GREB1: variants seen among roughly 807,000 people sequenced by gnomAD.
GREB1 encodes growth regulating estrogen receptor binding 1, also known as protein GREB1.
A neutral mutation model predicts 200.7 loss-of-function variants in GREB1; 106 were observed. The ratio of observed to expected loss-of-function variants is 0.53; its 90% CI spans 0.45 to 0.62. The LOEUF is 0.62. Ranked by LOEUF, GREB1 falls within the 20% of genes least tolerant of loss-of-function variation. The pLI is 0.00. For synonymous variants in GREB1, 1,132 were observed against 1,092.4 expected (o/e 1.04, Z -0.72); for missense variants, 2,243 against 2,556.8 (o/e 0.88, Z 2.65).
chr2:11,616,461 C>G (rs1415072374), intron 20 of GREB1, among the ~76,000 whole-genome samples, 170 bp from the exon 21 acceptor site: 3 of 152,238 alleles, frequency 2.0e-5, no homozygotes, highest in Admixed American at 6.5e-5. Flanking sequence ...CCCACTCCCT[C>G]CTGTCTCCTC....
Position 11,620,993 on chromosome 2 carries a change from A to G in GREB1, c.4133A>G (p.Glu1378Gly), listed in dbSNP as rs765167823. 6.2e-7 allele frequency: 1 copy of G among 1,601,402 alleles called. No homozygotes were observed. The highest frequency in any genetic ancestry group is 1.1e-5 in the South Asian group (1 of 90,838). The change falls in exon 23 of 33, where the codon GAG (glutamate) becomes GGG (glycine). Residue 1378 changes from glutamate to glycine, a missense_variant. Transcript: ENST00000381486. ...ACAGAAGTGGATGTCTATGACGAGG[A>G]GGAGATCAATATCAGTGAGTTATCT... ...RLTEVDVYDE[E>G]EININLREES...
At chr2:11,579,612 T>A (rs886084829) in intron 6 of GREB1, among the ~76,000 whole-genome samples, 1 of 152,132 alleles carries the variant, frequency 6.6e-6, no homozygotes, top group Non-Finnish European at 1.5e-5. Flanking sequence ...GTTAAGTAAG[T>A]GTCCAGGGTT....
chr2:11,587,693 TAACACACACACA>T (rs1217478349), intron 9 of GREB1: 22,441 of 976,876 alleles, frequency 0.023, 245 homozygotes, highest in Middle Eastern at 0.047. Context: ...GAGTACAAGA[TAACACACACACA>T]CACACACACA....
intron 10 of GREB1, among the ~76,000 whole-genome samples, chr2:11,590,661 A>G (rs1261979037): frequency 6.6e-6 from 1 of 152,108 alleles, no homozygotes; most frequent in Admixed American, 6.5e-5. Context: ...ACCAGGAATT[A>G]GGGTCTGTGA....
rs1327645435 is a variant in GREB1 at position 11,588,942 on chromosome 2, T to A, written c.1345+11T>A. On this transcript the variant is annotated intron_variant, in intron 10 of 32. Transcript: ENST00000381486. ...ACCTGGTCCAGCTGGGTGAGTCACC[T>A]CCACCTCCTGGCCCAGTGGCAGGGA... 1.2e-6 allele frequency: 2 copies of A among 1,610,966 alleles called. No individual in the cohort carries two copies. The highest frequency in any genetic ancestry group is 1.7e-6 in the Non-Finnish European group (2 of 1,177,472).
chr2:11,526,804 C>T (rs765442217), intron 1 of GREB1, among the ~76,000 whole-genome samples: 11 of 152,136 alleles, frequency 7.2e-5, no homozygotes, highest in Non-Finnish European at 1.5e-4. Context: ...GTGATCCACC[C>T]ACCTCAGCCT....
Position 11,600,861 on chromosome 2 carries a change from C to G in GREB1, c.2395C>G (p.Leu799Val). 6.2e-7 allele frequency: 1 copy of G among 1,614,146 alleles called. No homozygotes were observed. Among genetic ancestry groups the G allele is most frequent in the Non-Finnish European group, 8.5e-7 (1 of 1,179,996 alleles). The part of the protein sequence containing the change: ...DPSVGLVDRL[L>V]NCREVKEAPN... ...GTCGGTGGGATTGGTGGACCGATTG[C>G]TCAACTGCAGGGAGGTGAAGGAGGC... Residue 799 changes from leucine (L) to valine (V), a missense_variant, in exon 16 of 33, where the codon CTC becomes GTC. Coordinates refer to ENST00000381486, the MANE Select transcript of GREB1 (RefSeq NM_014668.4).
rs1284700131 is a variant in GREB1 at position 11,618,467 on chromosome 2, C to T, written c.3592C>T (p.Pro1198Ser). Residue 1198 changes from proline to serine, a missense_variant, in exon 22 of 33, where the codon CCC becomes TCC. Transcript: ENST00000381486. The part of the protein sequence containing the change: ...AISRHSPGPT[P>S]QPDCSLRTGQ... ...CAGCAGGCACAGTCCCGGGCCGACG[C>T]CCCAGCCCGACTGTAGCCTCAGGAC... 1 of 1,606,644 alleles carries T rather than the reference C, an allele frequency of 6.2e-7. No individual in the cohort carries two copies. Among genetic ancestry groups the T allele is most frequent in the Non-Finnish European group, 8.5e-7 (1 of 1,177,336 alleles).
At chr2:11,496,302 C>T (rs11674659) in intron 1 of GREB1, among the ~76,000 whole-genome samples, 151,583 of 152,298 alleles carry the variant, frequency 1, 75,444 homozygotes, top group Middle Eastern at 1. Context: ...TCGATCACCA[C>T]GGATGGGAAC....
Position 11,633,562 on chromosome 2 carries a change from TAAA to T in GREB1, c.4991+511_4991+513del, listed in dbSNP as rs567327000. On this transcript the variant is annotated intron_variant, in intron 28 of 32. Coordinates refer to ENST00000381486, the MANE Select transcript of GREB1 (RefSeq NM_014668.4). This position sits in a 1 kb window ranked among gnomAD's most constrained non-coding sequence, Gnocchi z 4.1. ...CTGGCAGACAGAGCGAGACTCCGTC[TAAA>T]AAAAAAAAAAAGAAAGAAAAAAATT... Among the ~76,000 whole-genome samples the T allele has an allele frequency of 1.5e-5, 2 of 131,666 alleles. No individual in the cohort carries two copies. Among genetic ancestry groups the T allele is most frequent in the African/African-American group, 2.9e-5 (1 of 34,546 alleles). 86.4% of individuals were successfully genotyped at this position (131,666 alleles called of 152,430 possible).
In GREB1 at chr2:11,523,220, G is replaced by A. The variant is rs756866821; in HGVS notation, c.-158-33237G>A. Among the ~76,000 whole-genome samples the A allele has an allele frequency of 3.8e-4, 58 of 152,012 alleles. 1 individual carries two copies. Among genetic ancestry groups the A allele is most frequent in the Non-Finnish European group, 1.8e-4 (12 of 68,002 alleles). On this transcript the variant is annotated intron_variant, in intron 1 of 2. Coordinates refer to the GREB1 transcript ENST00000628795. ...ACAGGGAGGAACAACAGATACTGGG[G>A]CCTACTTGAGAATGGAGAGTGGGAG... is the stretch of plus-strand genomic sequence containing the variant.
At chr2:11,614,048 A>G (rs1486370934) in intron 19 of GREB1, among the ~76,000 whole-genome samples, 2 of 151,612 alleles carry the variant, frequency 1.3e-5, no homozygotes, top group Non-Finnish European at 2.9e-5. Context: ...AGCATCTAGT[A>G]CCCTGGCCTG....
chr2:11,533,981 C>T (rs1674172156), upstream of GREB1: 1 of 152,174 alleles, frequency 6.6e-6, no homozygotes, highest in East Asian at 1.9e-4. Flanking sequence ...TCAAAAACTT[C>T]ATCAATGACA....
rs1014629631 is a variant in GREB1, at chr2:11,509,026, C to T, written c.-159+26645C>T. Among the ~76,000 whole-genome samples the T allele has an allele frequency of 2.0e-5, 3 of 152,024 alleles. No homozygotes were observed. In the South Asian group the frequency reaches 6.3e-4, roughly 32 times the overall value. On this transcript the variant is annotated intron_variant, in intron 1 of 2. Transcript: ENST00000628795. The stretch of plus-strand genomic sequence containing the variant: ...AGTAGCTGGGACTACAGGCGCCCGC[C>T]ACCACGCCCGGCTAATTTTTTTGTA...
chr2:11,499,504 G>A lies in GREB1; in HGVS notation c.-159+17123G>A, dbSNP rs1040452853. ...TAGAGCCCTGAGCTTAGCTTCTACTGTGCTGTTAATTTCAGGCAAGAGCAG... is the reference window on the plus strand; with the variant it reads ...TAGAGCCCTGAGCTTAGCTTCTACTATGCTGTTAATTTCAGGCAAGAGCAG... On this transcript the variant is annotated intron_variant, in intron 1 of 2. Transcript: ENST00000628795. Among the ~76,000 whole-genome samples, 61 of 152,234 alleles carry A rather than the reference G, an allele frequency of 4.0e-4. 1 individual carries two copies. The highest frequency in any genetic ancestry group is 1.3e-3 in the African/African-American group (55 of 41,460).
chr2:11,626,876 A>G (rs2148401816), intron 24 of GREB1, 86 bp from the exon 25 acceptor site: 2 of 1,373,768 alleles, frequency 1.5e-6, no homozygotes, highest in Middle Eastern at 3.6e-4. Context: ...TGGTCATTTG[A>G]GCATTTTTGG....
chr2:11,496,069 C>G (rs1167251237), intron 1 of GREB1, among the ~76,000 whole-genome samples: 1 of 152,140 alleles, frequency 6.6e-6, no homozygotes, highest in Non-Finnish European at 1.5e-5. Context: ...CTCTCCTTAT[C>G]CGTGGCGCTT....
intron 10 of GREB1, among the ~76,000 whole-genome samples, chr2:11,589,893 A>G (rs933544597): frequency 2.0e-5 from 3 of 152,164 alleles, no homozygotes; most frequent in South Asian, 2.1e-4. Flanking sequence ...GTGAGTTTGT[A>G]CAAGATGCCC....
intron 1 of GREB1, among the ~76,000 whole-genome samples, chr2:11,483,732 G>A (rs1672577658): frequency 7.2e-6 from 1 of 137,976 alleles, no homozygotes. Flanking sequence ...GTGTGTGTGT[G>A]TGGCCCGGCC....
Sources: gnomAD v4.1 joint callset for allele counts (sites outside exome capture counted in the v4.1 genomes callset) on GRCh38, gnomAD v4.1.1 for gene constraint, Gnocchi (gnomAD v3.1) non-coding constraint, MANE v1.5 for transcripts, NCBI Gene and HGNC (gene_info 2026-07-23, HGNC 2026-07-21) for gene names.